The following PTPRD variants were observed in gnomAD, a reference collection of about 807,000 sequenced individuals.
PTPRD encodes the protein receptor-type tyrosine-protein phosphatase delta.
PTPRD carries 34 observed loss-of-function variants against 214.5 expected under a neutral mutation model. That is an observed-to-expected ratio of 0.16 (90% CI 0.12 to 0.21). The LOEUF (loss-of-function observed/expected upper bound fraction) is 0.21, where lower values mean the gene tolerates loss of function less well. Among genes scored for constraint, PTPRD ranks in the 10% least tolerant of loss-of-function variants. The probability of loss-of-function intolerance (pLI) is 1.00; values close to 1 mark genes in which losing one functional copy is unlikely to be tolerated. For synonymous variants in PTPRD, 1,128 were observed against 845.7 expected (o/e 1.33, Z -5.79); for missense variants, 2,545 against 2,398.7 (o/e 1.06, Z -1.27).
chr9:10,270,436 A>C (rs2094353087), intron 3 of PTPRD, among the ~76,000 whole-genome samples: 1 of 152,184 alleles, frequency 6.6e-6, no homozygotes, highest in Non-Finnish European at 1.5e-5. Context: ...AACTAATGAG[A>C]CTTGTTGTAT....
chr9:9,157,776 G>A (rs1003125851), intron 10 of PTPRD, among the ~76,000 whole-genome samples: 3 of 152,122 alleles, frequency 2.0e-5, no homozygotes, highest in African/African-American at 7.2e-5. Context: ...TGTTACGTAG[G>A]TAAACGTGTG....
chr9:10,046,791 T>C (rs1301632359), intron 3 of PTPRD, among the ~76,000 whole-genome samples: 1 of 152,066 alleles, frequency 6.6e-6, no homozygotes, highest in East Asian at 1.9e-4. Context: ...AATATTTCTA[T>C]AGTGAAGACA....
chr9:9,412,655 A>C (rs1556525), intron 8 of PTPRD, among the ~76,000 whole-genome samples: 133,557 of 152,122 alleles, frequency 0.88, 58,805 homozygotes, highest in African/African-American at 0.92. Context: ...TTGTCTTCAT[A>C]CACACCTCTC....
At chr9:8,770,493 C>G (rs112945804) in intron 11 of PTPRD, among the ~76,000 whole-genome samples, 7 of 152,078 alleles carry the variant, frequency 4.6e-5, no homozygotes, top group African/African-American at 1.7e-4. Flanking sequence ...ATTAAATATA[C>G]TCTCTAAACT....
At chr9:9,438,316 G>A (rs748241981) in intron 8 of PTPRD, among the ~76,000 whole-genome samples, 16 of 152,098 alleles carry the variant, frequency 1.1e-4, no homozygotes, top group African/African-American at 3.6e-4. Context: ...TTAAAATAAC[G>A]TATCCAAGAA....
intron 2 of PTPRD, among the ~76,000 whole-genome samples, chr9:10,394,625 C>T (rs1172294302): frequency 1.3e-5 from 2 of 151,840 alleles, no homozygotes; most frequent in Non-Finnish European, 2.9e-5. Flanking sequence ...GTGAGTAACT[C>T]GCACATCCTA....
intron 9 of PTPRD, among the ~76,000 whole-genome samples, chr9:9,272,309 A>G (rs1241876381): frequency 6.6e-6 from 1 of 151,316 alleles, no homozygotes; most frequent in Non-Finnish European, 1.5e-5. Context: ...GAATTAGACT[A>G]AAAGAAAATG....
intron 3 of PTPRD, among the ~76,000 whole-genome samples, chr9:10,259,551 C>A (rs1397436660): frequency 6.6e-6 from 1 of 152,016 alleles, no homozygotes; most frequent in African/African-American, 2.4e-5. Context: ...CAAGACAGTT[C>A]CTGACGCAAT....
At chr9:9,954,728 TTC>T (rs2093762374) in intron 4 of PTPRD, among the ~76,000 whole-genome samples, 1 of 152,116 alleles carries the variant, frequency 6.6e-6, no homozygotes, top group South Asian at 2.1e-4. Context: ...TTATATCAAT[TTC>T]TGTGTATATC....
chr9:8,384,094 C>G (rs945680962), intron 37 of PTPRD, among the ~76,000 whole-genome samples: 2 of 152,150 alleles, frequency 1.3e-5, no homozygotes, highest in African/African-American at 4.8e-5. Context: ...CTTAAAAAAG[C>G]AGATGAATCC....
At chr9:9,717,170 G>T (rs953096139) in intron 7 of PTPRD, among the ~76,000 whole-genome samples, 1 of 152,016 alleles carries the variant, frequency 6.6e-6, no homozygotes, top group African/African-American at 2.4e-5. Flanking sequence ...TAGATATGCG[G>T]CGTTATTTCT....
intron 8 of PTPRD, among the ~76,000 whole-genome samples, chr9:9,414,596 AC>A (rs1418012668): frequency 4.6e-5 from 7 of 152,152 alleles, no homozygotes; most frequent in Non-Finnish European, 1.0e-4. Context: ...AAACAAACCA[AC>A]CCATCTTCAT....
intron 12 of PTPRD, among the ~76,000 whole-genome samples, chr9:8,724,977 A>C (rs2098542094): frequency 6.6e-6 from 1 of 152,126 alleles, no homozygotes; most frequent in Non-Finnish European, 1.5e-5. Flanking sequence ...AAGTGCATGT[A>C]AAAACTGGTA....
Position 8,630,327 on chromosome 9 carries a change from T to C in PTPRD, c.352+2990A>G, listed in dbSNP as rs74616525. Among the ~76,000 whole-genome samples the C allele has an allele frequency of 5.2e-3, 792 of 151,950 alleles. 7 individuals are homozygous for C. Among genetic ancestry groups the C allele is most frequent in the African/African-American group, 0.018 (758 of 41,504 alleles). On this transcript the variant is annotated intron_variant, in intron 14 of 45. Coordinates refer to ENST00000381196, the MANE Select transcript of PTPRD (RefSeq NM_002839.4). The stretch of plus-strand genomic sequence containing the variant: ...AATCTCCTCAACTGTGGTATAAACC[T>C]CTTCACACTCATTTATTTAGCTATT...
At chr9:10,595,514 C>T (rs1388232693) in intron 2 of PTPRD, among the ~76,000 whole-genome samples, 1 of 151,624 alleles carries the variant, frequency 6.6e-6, no homozygotes, top group Non-Finnish European at 1.5e-5. Context: ...ATAGGCTAAT[C>T]TTCCATAGAC....
At chr9:8,336,994 TTGG>T (rs1847581008) in intron 43 of PTPRD, among the ~76,000 whole-genome samples, 1 of 152,206 alleles carries the variant, frequency 6.6e-6, no homozygotes, top group Non-Finnish European at 1.5e-5. Flanking sequence ...TTTTACACTG[TTGG>T]TGGGTGTGTA....
intron 5 of PTPRD, among the ~76,000 whole-genome samples, chr9:9,925,500 G>A (rs891483865): frequency 4.6e-5 from 7 of 151,872 alleles, no homozygotes; most frequent in African/African-American, 1.7e-4. Context: ...ATAACTAAAA[G>A]AATATGTGCT....
intron 2 of PTPRD, among the ~76,000 whole-genome samples, chr9:10,462,204 C>T (rs1191835337): frequency 6.6e-6 from 1 of 152,098 alleles, no homozygotes; most frequent in Non-Finnish European, 1.5e-5. Context: ...GCTGACAGTA[C>T]ACAATACAGT....
intron 11 of PTPRD, among the ~76,000 whole-genome samples, chr9:8,767,309 G>A (rs1295139216): frequency 6.6e-6 from 1 of 151,856 alleles, no homozygotes; most frequent in Non-Finnish European, 1.5e-5. Context: ...GTAGAGATGG[G>A]GTTCACCATG....
Sources: gnomAD v4.1 joint callset for allele counts (sites outside exome capture counted in the v4.1 genomes callset) on GRCh38, gnomAD v4.1.1 for gene constraint, MANE v1.5 for transcripts, NCBI Gene and HGNC (gene_info 2026-07-23, HGNC 2026-07-21) for gene names.